CNTN5: variants seen among roughly 807,000 people sequenced by gnomAD.
The protein encoded by CNTN5 is contactin 5, also known as contactin-5.
CNTN5 carries 77 observed loss-of-function variants against 129.1 expected under a neutral mutation model. The observed-to-expected ratio is 0.60, with a 90% confidence interval of 0.50 to 0.72. The LOEUF (loss-of-function observed/expected upper bound fraction) is 0.72. Ranked by LOEUF, CNTN5 falls within the 30% of genes least tolerant of loss-of-function variation. The pLI is 0.00. For synonymous variants in CNTN5, 509 were observed against 465.6 expected, an observed-to-expected ratio of 1.09 and a Z score of -1.20; for missense variants, 1,478 against 1,328.8, an observed-to-expected ratio of 1.11 and a Z score of -1.75.
rs573875569 is a variant in CNTN5, at chr11:99,844,473, G to A, written c.278-379G>A. 153 of 281,296 alleles carry A rather than the reference G, an allele frequency of 5.4e-4. 1 individual carries two copies. Among genetic ancestry groups the A allele is most frequent in the Middle Eastern group, 2.7e-3 (2 of 752 alleles). 17.4% of individuals were successfully genotyped at this position (281,296 alleles called of 1,614,324 possible). A position where few individuals can be genotyped will look rare whatever the true frequency, so the allele number is the denominator to read the frequency against. ...CACAATATTAATATATTACTTTTGC[G>A]TGTGTATTATTTTTAACATTCTAAG... is the stretch of plus-strand genomic sequence containing the variant. On this transcript the variant is annotated intron_variant, in intron 4 of 24. Transcript: ENST00000524871.
At chr11:99,809,992 T>C (rs749916840) in intron 3 of CNTN5, among the ~76,000 whole-genome samples, 3 of 152,152 alleles carry the variant, frequency 2.0e-5, no homozygotes, top group Non-Finnish European at 2.9e-5. Flanking sequence ...TCCTCAGTGA[T>C]TCATATTCAT....
chr11:99,752,111 T>C (rs1944256859), intron 3 of CNTN5, among the ~76,000 whole-genome samples: 1 of 152,166 alleles, frequency 6.6e-6, no homozygotes, highest in East Asian at 1.9e-4. Flanking sequence ...AGTTATTTCA[T>C]TATAGCAGCA....
At chr11:100,248,619 C>T (rs757236059) in intron 16 of CNTN5, among the ~76,000 whole-genome samples, 5 of 151,968 alleles carry the variant, frequency 3.3e-5, no homozygotes, top group Non-Finnish European at 5.9e-5. Flanking sequence ...AAACAATAGA[C>T]GTATAAAGCA....
chr11:99,471,160 A>AC (rs397820585), intron 2 of CNTN5, among the ~76,000 whole-genome samples: 4 of 151,254 alleles, frequency 2.6e-5, no homozygotes, highest in East Asian at 3.9e-4. Flanking sequence ...AAAAAAAAAA[A>AC]CAAATTTTCT....
chr11:99,765,031 TAA>T (rs1469816322), intron 3 of CNTN5, among the ~76,000 whole-genome samples: 1 of 152,104 alleles, frequency 6.6e-6, no homozygotes, highest in African/African-American at 2.4e-5. Context: ...CCTTTTTACT[TAA>T]GTTTACCTAT....
chr11:100,149,971 T>TTTAAG (rs1947001231), intron 13 of CNTN5, among the ~76,000 whole-genome samples: 1 of 151,526 alleles, frequency 6.6e-6, no homozygotes, highest in Non-Finnish European at 1.5e-5. Flanking sequence ...GTAGTGCACA[T>TTTAAG]TTAAGTTACA....
chr11:100,101,785 G>A (rs912596389), intron 13 of CNTN5, among the ~76,000 whole-genome samples: 3 of 152,054 alleles, frequency 2.0e-5, no homozygotes, highest in African/African-American at 7.2e-5. Context: ...TTATGCCTTT[G>A]CATCCTCGTA....
intron 15 of CNTN5, among the ~76,000 whole-genome samples, chr11:100,194,048 T>C (rs1346533177): frequency 6.6e-6 from 1 of 151,946 alleles, no homozygotes; most frequent in East Asian, 1.9e-4. Context: ...AGAACAGTAA[T>C]TTTTGGAGTT....
intron 1 of CNTN5, among the ~76,000 whole-genome samples, chr11:99,072,586 T>A (rs943414237): frequency 6.6e-6 from 1 of 152,136 alleles, no homozygotes; most frequent in Non-Finnish European, 1.5e-5. Context: ...TTTTACCATA[T>A]TTAGGAATTT....
At chr11:99,698,270 G>GA (rs1290400283) in intron 3 of CNTN5, among the ~76,000 whole-genome samples, 1 of 33,902 alleles carries the variant, frequency 2.9e-5, no homozygotes, top group African/African-American at 1.2e-4. Context: ...CTGTTTAACA[G>GA]AAAAATAAAG....
intron 3 of CNTN5, among the ~76,000 whole-genome samples, chr11:99,818,708 C>T (rs1767907024): frequency 6.6e-6 from 1 of 151,982 alleles, no homozygotes; most frequent in African/African-American, 2.4e-5. Flanking sequence ...ATATACTAAA[C>T]TTATTGTTTC....
At chr11:100,116,743 C>G (rs1303621391) in intron 13 of CNTN5, among the ~76,000 whole-genome samples, 1 of 151,766 alleles carries the variant, frequency 6.6e-6, no homozygotes, top group African/African-American at 2.4e-5. Context: ...AAAGGCAAGT[C>G]TTACATTATT....
In CNTN5 at chr11:99,842,588, T is replaced by C. The variant is rs147222820; in HGVS notation, c.278-2264T>C. ...GCTCAGGAGTTGTCTATAACACTTA[T>C]TATATGTGAATTTTATGCAGCATAG... On this transcript the variant is annotated intron_variant, in intron 4 of 24. Coordinates refer to ENST00000524871, the MANE Select transcript of CNTN5 (RefSeq NM_014361.4). Among the ~76,000 whole-genome samples the C allele has an allele frequency of 7.2e-3, 1,094 of 152,298 alleles. 13 individuals are homozygous for C. Among genetic ancestry groups the C allele is most frequent in the African/African-American group, 0.024 (1,002 of 41,556 alleles).
At chr11:99,774,104 A>G (rs191732423) in intron 3 of CNTN5, among the ~76,000 whole-genome samples, 1 of 151,834 alleles carries the variant, frequency 6.6e-6, no homozygotes, top group East Asian at 1.9e-4. Context: ...CTTCCTTGAC[A>G]TTTTTTCCAA....
intron 3 of CNTN5, among the ~76,000 whole-genome samples, chr11:99,777,421 G>C (rs528256807): frequency 6.6e-6 from 1 of 151,742 alleles, no homozygotes; most frequent in African/African-American, 2.4e-5. Context: ...AATAAATCAC[G>C]AATGTATAAA....
chr11:100,232,771 A>G (rs748171079), intron 16 of CNTN5, among the ~76,000 whole-genome samples: 47 of 152,198 alleles, frequency 3.1e-4, no homozygotes, highest in Admixed American at 1.3e-4. Context: ...ATCTTTTTAC[A>G]GCATAATGTG....
intron 2 of CNTN5, among the ~76,000 whole-genome samples, chr11:99,403,370 C>T (rs1412247304): frequency 2.0e-5 from 3 of 152,040 alleles, no homozygotes; most frequent in African/African-American, 7.2e-5. Flanking sequence ...TTTCTGTTCT[C>T]ATTTTATCAT....
intron 3 of CNTN5, among the ~76,000 whole-genome samples, chr11:99,651,264 C>CAT (rs1321521704): frequency 6.6e-6 from 1 of 151,792 alleles, no homozygotes; most frequent in Non-Finnish European, 1.5e-5. Context: ...AAATTGATAA[C>CAT]ATAGTATCTT....
Position 99,483,068 on chromosome 11 carries a change from G to A in CNTN5, c.-70-73077G>A, listed in dbSNP as rs901676608. Among the ~76,000 whole-genome samples, 3 of 150,322 alleles carry A rather than the reference G, an allele frequency of 2.0e-5. No homozygotes were observed. In the East Asian group the frequency reaches 5.9e-4, roughly 30 times the overall value. The stretch of plus-strand genomic sequence containing the variant: ...GCCCGTGCCAGTAGTCCCAGCTACT[G>A]GGGAGGCTGAGGCAGGAGAATGGCG... On this transcript the variant is annotated intron_variant, in intron 2 of 24. Transcript: ENST00000524871.
Sources: allele counts gnomAD v4.1 joint callset (sites outside exome capture counted in the v4.1 genomes callset), GRCh38; gene constraint gnomAD v4.1.1; transcripts MANE v1.5; gene names NCBI Gene and HGNC (gene_info 2026-07-23, HGNC 2026-07-21).